Variants in TRUB1 observed in about 807,000 individuals in gnomAD.
TRUB1 encodes the protein pseudouridylate synthase TRUB1.
A neutral mutation model predicts 33.9 loss-of-function variants in TRUB1; 23 were observed. That is an observed-to-expected ratio of 0.68 (90% CI 0.49 to 0.96). The LOEUF (loss-of-function observed/expected upper bound fraction) is 0.96. TRUB1 is among the 40% of genes least tolerant of loss of function. The pLI is 0.00. For missense variants in TRUB1, 378 were observed against 422.2 expected, an observed-to-expected ratio of 0.90 and a Z score of 0.92; for synonymous variants, 163 against 165.4, an observed-to-expected ratio of 0.99 and a Z score of 0.11.
intron 3 of TRUB1, among the ~76,000 whole-genome samples, chr10:114,952,484 G>C (rs2084241226): frequency 1.3e-5 from 2 of 151,994 alleles, no homozygotes; most frequent in Non-Finnish European, 2.9e-5. Flanking sequence ...TAGGTAGATA[G>C]GTAGATAGGT....
chr10:114,967,018 T>C (rs1344483460), intron 4 of TRUB1, among the ~76,000 whole-genome samples: 1 of 152,186 alleles, frequency 6.6e-6, no homozygotes, highest in East Asian at 1.9e-4. Flanking sequence ...TGTAAGAGCT[T>C]TGGTAGTATT....
At chr10:114,974,641 A>G (rs548884471) in intron 7 of TRUB1, among the ~76,000 whole-genome samples, 1 of 152,274 alleles carries the variant, frequency 6.6e-6, no homozygotes, top group South Asian at 2.1e-4. Flanking sequence ...CGTAGGGCCA[A>G]CATCTTTTCA....
At chr10:114,967,302 G>A (rs974588004) in intron 4 of TRUB1, among the ~76,000 whole-genome samples, 1 of 152,126 alleles carries the variant, frequency 6.6e-6, no homozygotes, top group African/African-American at 2.4e-5. Context: ...GGTTTACAGT[G>A]CTTGCTGCCT....
chr10:114,942,615 C>A, intron 1 of TRUB1, 30 bp from the exon 2 acceptor site: 1 of 1,448,536 alleles, frequency 6.9e-7, no homozygotes, highest in South Asian at 1.2e-5. Context: ...TCTTGGTGAT[C>A]ACCTTTTTTC....
chr10:114,951,095 T>C lies in TRUB1; in HGVS notation c.387T>C (p.Val129=). The C allele has an allele frequency of 6.2e-7, 1 of 1,612,010 alleles. No individual in the cohort carries two copies. Among genetic ancestry groups the C allele is most frequent in the Non-Finnish European group, 8.5e-7 (1 of 1,178,652 alleles). Residue 129 remains valine, a splice_region_variant and synonymous_variant, in exon 3 of 8, where the codon GTT becomes GTC. Transcript: ENST00000298746. ...TLDSAARGVL[V]VGIGSGTKML... ...AATATTTCTTTCTTTGATTTGTAGT[T>C]GTTGGAATTGGAAGCGGAACAAAAA...
At chr10:114,939,685 C>T (rs76982598) in intron 1 of TRUB1, among the ~76,000 whole-genome samples, 3 of 152,258 alleles carry the variant, frequency 2.0e-5, no homozygotes, top group Non-Finnish European at 4.4e-5. Flanking sequence ...GCTTTGTTGC[C>T]TGAAAGTATG....
chr10:114,969,496 C>T (rs2084325642), intron 4 of TRUB1: 1 of 151,750 alleles, frequency 6.6e-6, no homozygotes. Context: ...GCATGTCACC[C>T]TCGCTCAGGG....
rs902404522 is a variant in TRUB1, at chr10:114,976,751, A to G, written c.*1372A>G. The G allele has an allele frequency of 7.5e-6, 1 of 132,754 alleles. No individual in the cohort carries two copies. The highest frequency in any genetic ancestry group is 3.8e-5 in the African/African-American group (1 of 26,030). The allele number at this position is 132,754 out of a possible 1,614,324, so 8.2% of individuals were successfully genotyped here. A position where few individuals can be genotyped will look rare whatever the true frequency, so the allele number is the denominator to read the frequency against. ...TATGCATCAGTACAGCATTTTCAAC[A>G]TATTGGCAACATATTTTAAATGAAA... On this transcript the variant is annotated 3_prime_UTR_variant, in exon 8 of 8. Coordinates refer to ENST00000298746, the MANE Select transcript of TRUB1 (RefSeq NM_139169.5).
chr10:114,947,352 G>A (rs1005711652), intron 2 of TRUB1, among the ~76,000 whole-genome samples: 1 of 152,014 alleles, frequency 6.6e-6, no homozygotes, highest in African/African-American at 2.4e-5. Flanking sequence ...AGACAGATTG[G>A]TAATTTGTTA....
chr10:114,964,175 G>T (rs1275322523), intron 4 of TRUB1, among the ~76,000 whole-genome samples: 1 of 152,080 alleles, frequency 6.6e-6, no homozygotes, highest in African/African-American at 2.4e-5. Flanking sequence ...TTTTAATTTT[G>T]GCTGTTCTGG....
In TRUB1 at chr10:114,975,215, A is replaced by G. The variant is rs1174975921; in HGVS notation, c.886A>G (p.Thr296Ala). Residue 296 changes from threonine to alanine, a missense_variant, in exon 8 of 8, where the codon ACA (threonine) becomes GCA (alanine). Transcript: ENST00000298746. Reference protein sequence around the residue: ...EEHALPEDKWTIDDIAQSLEH... With the variant: ...EEHALPEDKWAIDDIAQSLEH... ...ACATGCCCTTCCTGAAGACAAATGG[A>G]CAATTGATGACATTGCACAGTCTCT... The G allele has an allele frequency of 6.2e-7, 1 of 1,613,710 alleles. No individual in the cohort carries two copies. Among genetic ancestry groups the G allele is most frequent in the Non-Finnish European group, 8.5e-7 (1 of 1,179,704 alleles).
intron 3 of TRUB1, among the ~76,000 whole-genome samples, chr10:114,954,160 A>T (rs922996541): frequency 1.3e-5 from 2 of 152,098 alleles, no homozygotes; most frequent in South Asian, 4.1e-4. Flanking sequence ...TTTTATTTGC[A>T]TCACAGTGCA....
intron 4 of TRUB1, among the ~76,000 whole-genome samples, chr10:114,968,331 C>A (rs546416069): frequency 6.6e-6 from 1 of 152,090 alleles, no homozygotes; most frequent in Non-Finnish European, 1.5e-5. Context: ...GTTGCAGGAG[C>A]GTCAGTAGAG....
intron 2 of TRUB1, among the ~76,000 whole-genome samples, chr10:114,945,028 A>C (rs1176174702): frequency 6.6e-6 from 1 of 152,214 alleles, no homozygotes; most frequent in Non-Finnish European, 1.5e-5. Flanking sequence ...ACTGTATATA[A>C]GGTCTTCAGT....
rs533043279 is a variant in TRUB1, at chr10:114,970,611, C to A, written c.596+171C>A. 5.9e-5 allele frequency among the ~76,000 whole-genome samples: 9 copies of A among 152,338 alleles called. No homozygotes were observed. In the South Asian group the frequency reaches 1.7e-3, roughly 28 times the overall value. On this transcript the variant is annotated intron_variant, in intron 5 of 7. Transcript: ENST00000298746. ...GACAGGATGTGGAGCTTTTGACACT[C>A]TAAGAGGCAGTGGAATGTGGTCTTC... is the stretch of plus-strand genomic sequence containing the variant.
intron 3 of TRUB1, among the ~76,000 whole-genome samples, chr10:114,957,256 A>C (rs989885359): frequency 6.6e-6 from 1 of 152,212 alleles, no homozygotes; most frequent in African/African-American, 2.4e-5. Flanking sequence ...TCTGTAGGTC[A>C]TCATGTGCTA....
chr10:114,970,757 A>G (rs1027365475), intron 5 of TRUB1, among the ~76,000 whole-genome samples: 3 of 152,120 alleles, frequency 2.0e-5, no homozygotes, highest in African/African-American at 7.2e-5. Context: ...TTTTCCTAGA[A>G]CTGTTGTGAA....
chr10:114,938,405 G>T lies in TRUB1; in HGVS notation c.152G>T (p.Gly51Val). ...AAVVAAAART[G>V]SEARVSKAAL... ...GTGGTTGCGGCCGCGGCCAGGACCG[G>T]ATCCGAAGCCAGGGTCTCCAAGGCC... The change falls in exon 1 of 8, where the codon GGA becomes GTA. Residue 51 changes from glycine (G) to valine (V), a missense_variant. By Grantham distance (109) the Gly-to-Val change is moderately radical. Coordinates refer to ENST00000298746, the MANE Select transcript of TRUB1 (RefSeq NM_139169.5). 2 of 1,603,588 alleles carry T rather than the reference G, an allele frequency of 1.2e-6. No individual in the cohort carries two copies. The highest frequency in any genetic ancestry group is 8.5e-7 in the Non-Finnish European group (1 of 1,174,870).
chr10:114,964,712 CT>C (rs1454666207), intron 4 of TRUB1, among the ~76,000 whole-genome samples: 1 of 152,162 alleles, frequency 6.6e-6, no homozygotes, highest in Non-Finnish European at 1.5e-5. Flanking sequence ...TGTCCAGTTG[CT>C]TCAGCACTTT....
Sources: allele counts gnomAD v4.1 joint callset (sites outside exome capture counted in the v4.1 genomes callset), GRCh38; gene constraint gnomAD v4.1.1; transcripts MANE v1.5; gene names NCBI Gene and HGNC (gene_info 2026-07-23, HGNC 2026-07-21).